NME7: variants seen among roughly 807,000 people sequenced by gnomAD.
NME7 encodes the protein NME/NM23 family member 7.
NME7 carries 41 observed loss-of-function variants against 49.1 expected under a neutral mutation model. The ratio of observed to expected loss-of-function variants is 0.83; its 90% confidence interval spans 0.65 to 1.08. The LOEUF (loss-of-function observed/expected upper bound fraction) is 1.08. NME7 is among the 50% of genes least tolerant of loss of function. The pLI, the probability that NME7 is intolerant of heterozygous loss-of-function variation, is 0.00. For synonymous variants in NME7, 139 were observed against 150.6 expected (o/e 0.92, Z 0.56); for missense variants, 423 against 463.4 (o/e 0.91, Z 0.80).
intron 1 of NME7, among the ~76,000 whole-genome samples, chr1:169,366,156 A>T (rs1366346128): frequency 6.6e-6 from 1 of 152,254 alleles, no homozygotes; most frequent in East Asian, 1.9e-4. Context: ...AAAGTAATCA[A>T]GGAGTTAATT....
chr1:169,354,469 G>T (rs1262428717), intron 1 of NME7, among the ~76,000 whole-genome samples: 1 of 151,342 alleles, frequency 6.6e-6, no homozygotes, highest in East Asian at 1.9e-4. Context: ...AGCATAACAG[G>T]GTGACTATAG....
chr1:169,351,989 A>G (rs771929958), intron 1 of NME7, among the ~76,000 whole-genome samples: 3 of 152,058 alleles, frequency 2.0e-5, no homozygotes, highest in Non-Finnish European at 2.9e-5. Flanking sequence ...GAATTCTACC[A>G]AACATATAAA....
At chr1:169,243,407 G>GT (rs1648173513) in intron 7 of NME7, among the ~76,000 whole-genome samples, 1 of 152,166 alleles carries the variant, frequency 6.6e-6, no homozygotes, top group African/African-American at 2.4e-5. Context: ...GAAACAGCTA[G>GT]TTTTTTCTCA....
chr1:169,244,754 C>T lies in NME7; in HGVS notation c.755-7067G>A, dbSNP rs547734156. On this transcript the variant is annotated intron_variant, in intron 7 of 11. Transcript: ENST00000367811. ...AATAGTTTTATTTTGCCACATGTATCTATATCAAAAATATTTCTTGTGAAA... is the reference window on the plus strand; with the variant it reads ...AATAGTTTTATTTTGCCACATGTATTTATATCAAAAATATTTCTTGTGAAA... Among the ~76,000 whole-genome samples, 8 of 151,934 alleles carry T rather than the reference C, an allele frequency of 5.3e-5. 1 individual carries two copies. Among genetic ancestry groups the T allele is most frequent in the South Asian group, 4.2e-4 (2 of 4,808 alleles).
At chr1:169,287,255 T>C (rs1650310666) in intron 7 of NME7, 48 bp downstream of exon 7, 1 of 1,336,068 alleles carries the variant, frequency 7.5e-7, no homozygotes, top group Non-Finnish European at 1.1e-6. Flanking sequence ...AAAATAAACA[T>C]TGCTCTCCTA....
chr1:169,343,970 AG>A (rs1372921137), intron 1 of NME7, among the ~76,000 whole-genome samples: 2 of 152,236 alleles, frequency 1.3e-5, no homozygotes, highest in Non-Finnish European at 2.9e-5. Flanking sequence ...GGATTTTGAT[AG>A]GAATTGCACT....
At chr1:169,309,364 A>T (rs950904789) in intron 4 of NME7, among the ~76,000 whole-genome samples, 2 of 152,240 alleles carry the variant, frequency 1.3e-5, no homozygotes, top group East Asian at 3.8e-4. Context: ...GAACCAAGAT[A>T]TGCAACCAAA....
intron 1 of NME7, among the ~76,000 whole-genome samples, chr1:169,348,810 A>G (rs1013999232): frequency 6.6e-6 from 1 of 152,100 alleles, no homozygotes; most frequent in Non-Finnish European, 1.5e-5. Context: ...AAAAAAATGT[A>G]TATCACCTAT....
At chr1:169,289,728 T>A (rs1318688975) in intron 6 of NME7, among the ~76,000 whole-genome samples, 2 of 152,150 alleles carry the variant, frequency 1.3e-5, no homozygotes, top group African/African-American at 2.4e-5. Flanking sequence ...CTACCCAGAT[T>A]TTCAAGTACC....
intron 11 of NME7, among the ~76,000 whole-genome samples, chr1:169,138,930 T>A (rs1658510825): frequency 6.6e-6 from 1 of 152,198 alleles, no homozygotes; most frequent in Non-Finnish European, 1.5e-5. Flanking sequence ...CAACTTTCCA[T>A]AAATTCATCA....
chr1:169,218,575 C>T (rs1661043600), intron 10 of NME7, among the ~76,000 whole-genome samples: 1 of 148,400 alleles, frequency 6.7e-6, no homozygotes, highest in South Asian at 2.2e-4. Context: ...CTCAGAAAAA[C>T]AGAAAAACAA....
intron 4 of NME7, 107 bp downstream of exon 4, chr1:169,309,863 T>C: frequency 3.0e-6 from 2 of 671,462 alleles, no homozygotes; most frequent in Non-Finnish European, 4.9e-6. Context: ...CTATTCTTTG[T>C]CATTCAATAC....
Position 169,260,916 on chromosome 1 carries a change from G to A in NME7, c.755-23229C>T, listed in dbSNP as rs1175558774. Among the ~76,000 whole-genome samples the A allele has an allele frequency of 1.5e-5, 2 of 133,522 alleles. 1 individual carries two copies. The highest frequency in any genetic ancestry group is 5.1e-5 in the African/African-American group (2 of 39,534). The allele number at this position is 133,522 out of a possible 152,430, so 87.6% of individuals were successfully genotyped here. Reference sequence around the variant, plus strand: ...GGAGTGGCACTGTCATCAAAATTCTGCATAAAGCTTACATTAATGTTGTTC... The same window carrying A: ...GGAGTGGCACTGTCATCAAAATTCTACATAAAGCTTACATTAATGTTGTTC... On this transcript the variant is annotated intron_variant, in intron 7 of 11. Coordinates refer to ENST00000367811, the MANE Select transcript of NME7 (RefSeq NM_013330.5).
At chr1:169,165,099 A>ATTGT (rs3981319) in intron 11 of NME7, among the ~76,000 whole-genome samples, 1 of 151,850 alleles carries the variant, frequency 6.6e-6, no homozygotes. Context: ...AATGTCTCAT[A>ATTGT]AATACCATAA....
chr1:169,229,608 CTT>C (rs1647507012), intron 10 of NME7, among the ~76,000 whole-genome samples: 1 of 152,198 alleles, frequency 6.6e-6, no homozygotes, highest in Non-Finnish European at 1.5e-5. Context: ...TCTAGCAGCA[CTT>C]TGACACAAGA....
intron 7 of NME7, among the ~76,000 whole-genome samples, chr1:169,279,932 T>A (rs1234842113): frequency 6.6e-6 from 1 of 152,246 alleles, no homozygotes; most frequent in Non-Finnish European, 1.5e-5. Context: ...TACATGTGAA[T>A]CTGTCTTTAC....
chr1:169,336,284 CA>C (rs1652469522), intron 1 of NME7, among the ~76,000 whole-genome samples: 1 of 152,112 alleles, frequency 6.6e-6, no homozygotes, highest in South Asian at 2.1e-4. Context: ...TGAGCAGTAG[CA>C]AGATTTATTG....
At chr1:169,334,395 C>T (rs1303169663) in intron 1 of NME7, among the ~76,000 whole-genome samples, 2 of 152,108 alleles carry the variant, frequency 1.3e-5, no homozygotes, top group Admixed American at 1.3e-4. Context: ...ATAGAGACCT[C>T]ACAAATAATA....
intron 8 of NME7, among the ~76,000 whole-genome samples, chr1:169,235,658 G>A (rs568624420): frequency 4.6e-5 from 7 of 152,142 alleles, no homozygotes; most frequent in Admixed American, 2.6e-4. Context: ...TAGATTAGTG[G>A]CACAAGAAAG....
Sources: allele counts gnomAD v4.1 joint callset (sites outside exome capture counted in the v4.1 genomes callset), GRCh38; gene constraint gnomAD v4.1.1; transcripts MANE v1.5; gene names NCBI Gene and HGNC (gene_info 2026-07-23, HGNC 2026-07-21).